CFAP58: variants seen among roughly 807,000 people sequenced by gnomAD.
CFAP58 encodes the protein cilia and flagella associated protein 58.
Under a neutral mutation model 119.5 loss-of-function variants are expected in CFAP58, and 88 were observed. The ratio of observed to expected loss-of-function variants is 0.74; its 90% CI spans 0.62 to 0.88. CFAP58 has a LOEUF of 0.88. Among genes scored for constraint, CFAP58 ranks in the 40% least tolerant of loss-of-function variants. CFAP58 has a pLI of 0.00. For synonymous variants in CFAP58, 365 were observed against 366.3 expected (o/e 1.00, Z 0.04); for missense variants, 990 against 1,021.2 (o/e 0.97, Z 0.42).
intron 4 of CFAP58, among the ~76,000 whole-genome samples, 161 bp from the exon 5 acceptor site, chr10:104,365,653 T>G (rs2014732423): frequency 1.3e-5 from 2 of 152,076 alleles, no homozygotes; most frequent in Non-Finnish European, 2.9e-5. Context: ...CCTGAAAAGT[T>G]TGAACACTGG....
chr10:104,367,942 G>T (rs2014773353), intron 5 of CFAP58, among the ~76,000 whole-genome samples: 1 of 152,246 alleles, frequency 6.6e-6, no homozygotes, highest in Non-Finnish European at 1.5e-5. Flanking sequence ...TAGATTAAAA[G>T]AAAATTGTCT....
intron 17 of CFAP58, 53 bp from the exon 18 acceptor site, chr10:104,454,369 A>G (rs1253391386): frequency 1.4e-6 from 2 of 1,406,636 alleles, no homozygotes; most frequent in Admixed American, 1.7e-5. Context: ...TCAAATGTCA[A>G]ACTTAGACAA....
chr10:104,441,594 A>G (rs1307091961), intron 15 of CFAP58, among the ~76,000 whole-genome samples: 1 of 152,248 alleles, frequency 6.6e-6, no homozygotes, highest in African/African-American at 2.4e-5. Flanking sequence ...TTGCAAAAAC[A>G]TCTCTCAAGA....
intron 5 of CFAP58, among the ~76,000 whole-genome samples, chr10:104,366,374 A>G (rs2014750825): frequency 6.6e-6 from 1 of 152,166 alleles, no homozygotes; most frequent in African/African-American, 2.4e-5. Context: ...CAGCACCCCC[A>G]GAAGCCCTTT....
At chr10:104,409,927 A>AT (rs2012434393) in intron 15 of CFAP58, among the ~76,000 whole-genome samples, 1 of 151,654 alleles carries the variant, frequency 6.6e-6, no homozygotes, top group East Asian at 1.9e-4. Context: ...ATTTTCCCTG[A>AT]TTTTTTGTAA....
At chr10:104,395,544 G>A (rs181556660) in intron 11 of CFAP58, among the ~76,000 whole-genome samples, 106 of 152,322 alleles carry the variant, frequency 7.0e-4, no homozygotes, top group African/African-American at 2.4e-3. Context: ...TTGCAATGGT[G>A]CTCCGACTGG....
At chr10:104,396,593 A>C (rs1191754392) in intron 11 of CFAP58, among the ~76,000 whole-genome samples, 1 of 152,226 alleles carries the variant, frequency 6.6e-6, no homozygotes, top group Non-Finnish European at 1.5e-5. Flanking sequence ...GAAATTCTAC[A>C]AGTATGACTC....
chr10:104,354,035 A>C, intron 1 of CFAP58, 129 bp downstream of exon 1: 5 of 1,149,902 alleles, frequency 4.3e-6, no homozygotes, highest in South Asian at 2.9e-5. Context: ...CTGCACCCTC[A>C]CTCACTCCCG....
intron 15 of CFAP58, among the ~76,000 whole-genome samples, chr10:104,425,015 G>A (rs769662519): frequency 5.9e-5 from 9 of 152,148 alleles, no homozygotes; most frequent in Non-Finnish European, 1.0e-4. Flanking sequence ...GTAACTAACC[G>A]TCTCAAAGCC....
chr10:104,411,090 C>T (rs1270734052), intron 15 of CFAP58, among the ~76,000 whole-genome samples: 1 of 152,142 alleles, frequency 6.6e-6, no homozygotes, highest in Non-Finnish European at 1.5e-5. Flanking sequence ...CAGGCATCCA[C>T]CACAACGCCC....
At chr10:104,373,248 G>T (rs925807399) in intron 7 of CFAP58, among the ~76,000 whole-genome samples, 1 of 152,180 alleles carries the variant, frequency 6.6e-6, no homozygotes, top group Admixed American at 6.6e-5. Flanking sequence ...AAGATGGAGA[G>T]ATATATTAAG....
At chr10:104,434,670 C>T (rs1564903572) in intron 15 of CFAP58, among the ~76,000 whole-genome samples, 1 of 152,194 alleles carries the variant, frequency 6.6e-6, no homozygotes, top group African/African-American at 2.4e-5. Flanking sequence ...TTGAAGCCTC[C>T]AAGCATTTGG....
chr10:104,419,434 G>C (rs1372789999), intron 15 of CFAP58, among the ~76,000 whole-genome samples: 1 of 152,092 alleles, frequency 6.6e-6, no homozygotes, highest in Non-Finnish European at 1.5e-5. Context: ...TGATCTGAGG[G>C]CCAGGAGAAA....
intron 9 of CFAP58, among the ~76,000 whole-genome samples, chr10:104,381,080 G>A (rs1459374318): frequency 6.6e-6 from 1 of 152,126 alleles, no homozygotes; most frequent in Non-Finnish European, 1.5e-5. Flanking sequence ...AGCCCGGGAG[G>A]TGGAGGCTAC....
At chr10:104,350,297 A>AT, upstream of CFAP58, among the ~76,000 whole-genome samples, 1 of 152,302 alleles carries the variant, frequency 6.6e-6, no homozygotes, top group African/African-American at 2.4e-5. Flanking sequence ...GGCTGACGCG[A>AT]TCTTGTTGGG....
At chr10:104,342,575 G>A in the CFAP58 span, among the ~76,000 whole-genome samples, 1 of 150,562 alleles carries the variant, frequency 6.6e-6, no homozygotes, top group Non-Finnish European at 1.5e-5. Context: ...GCTCCTGTCC[G>A]TAATCCCAGC....
the CFAP58 span, among the ~76,000 whole-genome samples, chr10:104,339,631 C>G: frequency 1.1e-4 from 17 of 152,272 alleles, no homozygotes; most frequent in East Asian, 3.1e-3. Context: ...GCCTGGAAGA[C>G]TTTTTGGCTG....
At chr10:104,441,766 G>A (rs942914716) in intron 15 of CFAP58, among the ~76,000 whole-genome samples, 4 of 152,136 alleles carry the variant, frequency 2.6e-5, no homozygotes, top group African/African-American at 7.2e-5. Flanking sequence ...TTCCCTGCTC[G>A]TAAGGAACTC....
At chr10:104,433,949 C>T (rs2012891369) in intron 15 of CFAP58, among the ~76,000 whole-genome samples, 1 of 152,192 alleles carries the variant, frequency 6.6e-6, no homozygotes, top group African/African-American at 2.4e-5. Context: ...CTTGGCTGTC[C>T]CTCTGGTTTG....
Sources: allele counts gnomAD v4.1 joint callset (sites outside exome capture counted in the v4.1 genomes callset), GRCh38; gene constraint gnomAD v4.1.1; transcripts MANE v1.5; gene names NCBI Gene and HGNC (gene_info 2026-07-23, HGNC 2026-07-21).